The following PCAT7 variants were observed in gnomAD, a reference collection of about 807,000 sequenced individuals.
The protein encoded by PCAT7 is prostate cancer associated transcript 7.
At chr9:94,562,731 GATC>G (rs1827127543) in intron 2 of PCAT7, among the ~76,000 whole-genome samples, 1 of 152,118 alleles carries the variant, frequency 6.6e-6, no homozygotes, top group Admixed American at 6.5e-5. Flanking sequence ...AAGATAGCTG[GATC>G]ATAAGGTTCT....
In PCAT7 at chr9:94,558,984, A is replaced by G. The variant is rs142157727; in HGVS notation, n.273A>G. ...CTGCACACAGGTGAGATATTCCTGC[A>G]CATCCTCTGGTGACCCCAGAATGAG... On this transcript the variant is annotated non_coding_transcript_exon_variant, in exon 2 of 9. Transcript: ENST00000647389. 73 of 1,613,996 alleles carry G rather than the reference A, an allele frequency of 4.5e-5. 1 individual carries two copies. The highest frequency in any genetic ancestry group is 6.0e-5 in the Non-Finnish European group (71 of 1,180,048).
intron 2 of PCAT7, chr9:94,567,194 C>T (rs1827202046): frequency 2.0e-6 from 3 of 1,505,012 alleles, no homozygotes; most frequent in Non-Finnish European, 9.2e-7. Flanking sequence ...TCAGCAAAGC[C>T]CCTGAAGCCA....
chr9:94,571,466 T>G, intron 2 of PCAT7: 7 of 1,609,732 alleles, frequency 4.3e-6, no homozygotes, highest in Non-Finnish European at 5.9e-6. Context: ...ACCTACCGGG[T>G]CAAGCATGAA....
intron 2 of PCAT7, chr9:94,559,211 G>C (rs1827057071): frequency 7.7e-7 from 1 of 1,302,488 alleles, no homozygotes; most frequent in Non-Finnish European, 1.1e-6. Flanking sequence ...GCTGGGGGAG[G>C]AGTTTGTACT....
At chr9:94,567,658 GTCT>G in intron 2 of PCAT7, 3 of 439,162 alleles carry the variant, frequency 6.8e-6, no homozygotes, top group South Asian at 9.5e-5. Flanking sequence ...GCAGCCCATA[GTCT>G]TCTTTCTTTT....
intron 2 of PCAT7, among the ~76,000 whole-genome samples, chr9:94,565,701 G>A (rs1213415479): frequency 2.6e-5 from 4 of 151,764 alleles, no homozygotes; most frequent in Non-Finnish European, 4.4e-5. Context: ...GAAAAGCTAC[G>A]AGAAATCTCT....
intron 2 of PCAT7, chr9:94,567,517 G>T: frequency 7.4e-7 from 1 of 1,348,916 alleles, no homozygotes. Context: ...GGCAGAGCTG[G>T]GGCTTGGCTG....
chr9:94,564,993 T>C (rs182844710), intron 2 of PCAT7, among the ~76,000 whole-genome samples: 2 of 152,318 alleles, frequency 1.3e-5, no homozygotes, highest in African/African-American at 4.8e-5. Flanking sequence ...ATTTCCTAAT[T>C]ATACTGATCT....
At chr9:94,555,388 G>C (rs1826993120) in intron 1 of PCAT7, 1 of 152,092 alleles carries the variant, frequency 6.6e-6, no homozygotes, top group African/African-American at 2.4e-5. Context: ...AAAAAGGATA[G>C]CGAGGAGGAG....
At chr9:94,558,832 G>A in intron 1 of PCAT7, 3 of 1,073,258 alleles carry the variant, frequency 2.8e-6, no homozygotes, top group Non-Finnish European at 4.2e-6. Flanking sequence ...TGATTAAGTG[G>A]ATTTACCTTT....
rs763218467 is a variant in PCAT7 at position 94,567,326 on chromosome 9, C to T, written n.442-5653C>T. 8 of 1,614,194 alleles carry T rather than the reference C, an allele frequency of 5.0e-6. No individual in the cohort carries two copies. The South Asian group carries it at 5.5e-5, about 11-fold the overall frequency. Reference sequence around the variant, plus strand: ...GTGGTGGCCGCATCAAAATACTTGGCATAGCCCTCATTCAGGCTGTAAATC... The same window carrying T: ...GTGGTGGCCGCATCAAAATACTTGGTATAGCCCTCATTCAGGCTGTAAATC... On this transcript the variant is annotated intron_variant and non_coding_transcript_variant, in intron 2 of 8. Coordinates refer to ENST00000647389, the Ensembl canonical transcript of PCAT7.
chr9:94,556,620 A>G (rs767487223), intron 1 of PCAT7, among the ~76,000 whole-genome samples: 1 of 152,186 alleles, frequency 6.6e-6, no homozygotes. Flanking sequence ...TAGTTTGCAA[A>G]TACTTTCTTC....
chr9:94,557,862 A>G (rs1463066350), intron 1 of PCAT7, among the ~76,000 whole-genome samples: 2 of 152,208 alleles, frequency 1.3e-5, no homozygotes, highest in African/African-American at 4.8e-5. Flanking sequence ...CTAAAACAAG[A>G]TGAGATTTCA....
chr9:94,574,442 C>T (rs1827297990), intron 3 of PCAT7, among the ~76,000 whole-genome samples: 1 of 151,870 alleles, frequency 6.6e-6, no homozygotes, highest in Admixed American at 6.6e-5. Flanking sequence ...TTTATTTTGA[C>T]CATTTTTATT....
chr9:94,563,581 A>C, intron 2 of PCAT7: 1 of 1,052,554 alleles, frequency 9.5e-7, no homozygotes, highest in Non-Finnish European at 1.4e-6. Flanking sequence ...TCCTCCACCC[A>C]CTAGTGTAGG....
At chr9:94,563,553 T>C (rs1827141405) in intron 2 of PCAT7, 1 of 1,419,678 alleles carries the variant, frequency 7.0e-7, no homozygotes, top group South Asian at 1.3e-5. Context: ...GTGTGACCTC[T>C]GCCTTCTTGA....
At chr9:94,567,663 C>A in intron 2 of PCAT7, 1 of 418,438 alleles carries the variant, frequency 2.4e-6, no homozygotes, top group Non-Finnish European at 4.3e-6. Context: ...CCATAGTCTT[C>A]TTTCTTTTCC....
chr9:94,565,003 T>C (rs187113811), intron 2 of PCAT7, among the ~76,000 whole-genome samples: 22 of 152,340 alleles, frequency 1.4e-4, no homozygotes, highest in Admixed American at 5.9e-4. Context: ...TATACTGATC[T>C]GATCACTGTA....
At chr9:94,561,872 G>A (rs1827110195) in intron 2 of PCAT7, among the ~76,000 whole-genome samples, 1 of 152,168 alleles carries the variant, frequency 6.6e-6, no homozygotes, top group African/African-American at 2.4e-5. Context: ...ATCTATCTAT[G>A]GAGTGACATG....
Sources: gnomAD v4.1 joint callset for allele counts (sites outside exome capture counted in the v4.1 genomes callset) on GRCh38, gnomAD v4.1.1 for gene constraint, MANE v1.5 for transcripts, NCBI Gene and HGNC (gene_info 2026-07-23, HGNC 2026-07-21) for gene names.